The following SPACA7 variants were observed in gnomAD, a reference collection of about 807,000 sequenced individuals.
SPACA7 encodes sperm acrosome associated 7.
A neutral mutation model predicts 26.3 loss-of-function variants in SPACA7; 19 were observed. The ratio of observed to expected loss-of-function variants is 0.72; its 90% CI spans 0.50 to 1.06. SPACA7 has a LOEUF of 1.06. Ranked by LOEUF, SPACA7 falls within the 50% of genes least tolerant of loss-of-function variation. The pLI is 0.00. For missense variants in SPACA7, 211 were observed against 229.9 expected, an observed-to-expected ratio of 0.92 and a Z score of 0.53; for synonymous variants, 84 against 84.5, an observed-to-expected ratio of 0.99 and a Z score of 0.04.
At chr13:112,428,780 C>A (rs1018563412) in intron 5 of SPACA7, among the ~76,000 whole-genome samples, 1 of 152,036 alleles carries the variant, frequency 6.6e-6, no homozygotes, top group African/African-American at 2.4e-5. Context: ...TGTGCTTTAG[C>A]AAATATTCCA....
chr13:112,392,186 A>C (rs571590131), intron 1 of SPACA7, among the ~76,000 whole-genome samples: 11 of 152,284 alleles, frequency 7.2e-5, no homozygotes, highest in Admixed American at 2.0e-4. Flanking sequence ...CCACACCTCC[A>C]ATAAAGAAAA....
rs1000954930 is a variant in SPACA7 at position 112,423,792 on chromosome 13, G to A, written c.446-8652G>A. 3.9e-5 allele frequency among the ~76,000 whole-genome samples: 6 copies of A among 152,280 alleles called. No homozygotes were observed. In the East Asian group the frequency reaches 7.7e-4, roughly 20 times the overall value. On this transcript the variant is annotated intron_variant, in intron 5 of 6. Transcript: ENST00000283550. ...TGCAGAACTCCAAAATCCAAGAGAC[G>A]ATCTGGCAATCAACCTGAAACAAGT...
At position 112,393,086 on chromosome 13, in the gene SPACA7, G is replaced by A. The variant is rs762509077; in HGVS notation, c.151+9G>A. The A allele has an allele frequency of 6.2e-6, 10 of 1,611,738 alleles. No homozygotes were observed. The South Asian group carries it at 6.6e-5, about 11-fold the overall frequency. Reference sequence around the variant, plus strand: ...TATGTCTGAATTATTAGGTAAGGAAGCCCCTCCTATCAACCTCTGGCCTGT... The same window carrying A: ...TATGTCTGAATTATTAGGTAAGGAAACCCCTCCTATCAACCTCTGGCCTGT... On this transcript the variant is annotated intron_variant, in intron 2 of 6. Transcript: ENST00000283550.
At chr13:112,434,276 T>C (rs569300229) in intron 6 of SPACA7, among the ~76,000 whole-genome samples, 2 of 152,140 alleles carry the variant, frequency 1.3e-5, no homozygotes, top group South Asian at 4.2e-4. Flanking sequence ...CTGGACAGGG[T>C]GGCCCCGCAG....
chr13:112,407,800 C>T lies in SPACA7; in HGVS notation c.445+6636C>T, dbSNP rs202165169. Among the ~76,000 whole-genome samples, 83 of 152,280 alleles carry T rather than the reference C, an allele frequency of 5.5e-4. 2 individuals carry two copies. The East Asian group carries it at 0.015, about 27-fold the overall frequency. On this transcript the variant is annotated intron_variant, in intron 5 of 6. Coordinates refer to ENST00000283550, the MANE Select transcript of SPACA7 (RefSeq NM_145248.5). ...ATTCTACCAGAGGTACAAGGAGGAGCTGGTACCATTCCTTCTGAAACTATT... is the reference window on the plus strand; with the variant it reads ...ATTCTACCAGAGGTACAAGGAGGAGTTGGTACCATTCCTTCTGAAACTATT...
intron 5 of SPACA7, among the ~76,000 whole-genome samples, chr13:112,417,239 G>T (rs922165464): frequency 1.3e-5 from 2 of 151,790 alleles, no homozygotes; most frequent in Non-Finnish European, 2.9e-5. Context: ...TGCTGCTGTT[G>T]TTTTCTTCAA....
At chr13:112,378,902 G>A (rs1410435998) in intron 1 of SPACA7, among the ~76,000 whole-genome samples, 8 of 152,068 alleles carry the variant, frequency 5.3e-5, no homozygotes, top group Admixed American at 3.3e-4. Flanking sequence ...TTAAACTTAC[G>A]CAAACAATTG....
chr13:112,391,866 C>T (rs936672452), intron 1 of SPACA7, among the ~76,000 whole-genome samples: 2 of 152,138 alleles, frequency 1.3e-5, no homozygotes, highest in Non-Finnish European at 2.9e-5. Flanking sequence ...TTTCGTTTAC[C>T]GAAGGTCAGC....
rs148523302 is a variant in SPACA7, at chr13:112,399,136, A to G, written c.312A>G (p.Gln104=). The G allele has an allele frequency of 5.3e-5, 86 of 1,610,154 alleles. 1 individual carries two copies. In the African/African-American group the frequency reaches 9.2e-4, roughly 17 times the overall value. The change falls in exon 4 of 7, where the codon CAA becomes CAG. Residue 104 remains glutamine (Q), a synonymous_variant. Coordinates refer to ENST00000283550, the MANE Select transcript of SPACA7 (RefSeq NM_145248.5). ...ACCATGAATTATTAGAGAATTTACA[A>G]TTCTCTCCTGGCATTGAGGTCAAAA... ...ENYHELLENL[Q]FSPGIEVKIS... is the part of the protein sequence containing the mutation.
At chr13:112,434,456 C>T (rs1244744442) in intron 6 of SPACA7, 29 bp from the exon 7 acceptor site, 42 of 1,585,352 alleles carry the variant, frequency 2.6e-5, no homozygotes, top group Non-Finnish European at 3.5e-5. Context: ...CACACACTGC[C>T]AGTCTCAAAA....
Position 112,399,161 on chromosome 13 carries a change from A to T in SPACA7, c.337A>T (p.Ile113Phe). The change falls in exon 4 of 7, where the codon ATT becomes TTT. Residue 113 changes from isoleucine (I) to phenylalanine (F), a missense_variant. Physicochemically the swap from Ile to Phe is conservative, Grantham distance 21. Transcript: ENST00000283550. ...ATTCTCTCCTGGCATTGAGGTCAAAATTTCCAATGATGGTAAATGCAACCC... is the reference window on the plus strand; with the variant it reads ...ATTCTCTCCTGGCATTGAGGTCAAATTTTCCAATGATGGTAAATGCAACCC... ...LQFSPGIEVK[I>F]SNDEANANAN... is the part of the protein sequence containing the mutation. 1 of 1,565,352 alleles carries T rather than the reference A, an allele frequency of 6.4e-7. No individual in the cohort carries two copies. Among genetic ancestry groups the T allele is most frequent in the South Asian group, 1.1e-5 (1 of 89,928 alleles).
chr13:112,430,305 C>T (rs1323113304), intron 5 of SPACA7, among the ~76,000 whole-genome samples: 1 of 152,130 alleles, frequency 6.6e-6, no homozygotes, highest in Non-Finnish European at 1.5e-5. Context: ...ACTCCTAATG[C>T]TGCCCTGGAA....
chr13:112,424,615 C>T (rs1876345874), intron 5 of SPACA7, among the ~76,000 whole-genome samples: 2 of 152,174 alleles, frequency 1.3e-5, no homozygotes, highest in Admixed American at 6.5e-5. Context: ...TTACAAAGTG[C>T]CTCCTCTGGG....
chr13:112,429,414 T>C (rs921196771), intron 5 of SPACA7, among the ~76,000 whole-genome samples: 1 of 152,188 alleles, frequency 6.6e-6, no homozygotes, highest in South Asian at 2.1e-4. Flanking sequence ...ACTCTTTTAT[T>C]CCTAGTAATA....
intron 5 of SPACA7, among the ~76,000 whole-genome samples, chr13:112,430,770 G>A (rs530658402): frequency 5.9e-5 from 9 of 152,306 alleles, no homozygotes; most frequent in African/African-American, 1.4e-4. Context: ...CATAGGGAAC[G>A]GGGAAATGTT....
At chr13:112,381,831 A>G (rs1383957683) in intron 1 of SPACA7, among the ~76,000 whole-genome samples, 1 of 152,024 alleles carries the variant, frequency 6.6e-6, no homozygotes, top group Non-Finnish European at 1.5e-5. Flanking sequence ...CAGATGAGCC[A>G]CTTTATCCAT....
chr13:112,418,836 T>A (rs748510729), intron 5 of SPACA7, among the ~76,000 whole-genome samples: 1 of 152,142 alleles, frequency 6.6e-6, no homozygotes, highest in Non-Finnish European at 1.5e-5. Flanking sequence ...TCAGGTTCTC[T>A]ACCTCCACTT....
chr13:112,392,926 G>A, intron 1 of SPACA7, 95 bp from the exon 2 acceptor site: 3 of 1,004,958 alleles, frequency 3.0e-6, no homozygotes, highest in Non-Finnish European at 4.5e-6. Flanking sequence ...TCTAGAGGGG[G>A]CTGGTGGGCA....
rs557387254 is a variant in SPACA7, at chr13:112,392,214, C to T, written c.95-807C>T. Reference sequence around the variant, plus strand: ...AAAGAAAAACTGTGAATGGCAGAAGCAGGGAACTACTGGGAAGGGGCTAAC... The same window carrying T: ...AAAGAAAAACTGTGAATGGCAGAAGTAGGGAACTACTGGGAAGGGGCTAAC... On this transcript the variant is annotated intron_variant, in intron 1 of 6. Coordinates refer to ENST00000283550, the MANE Select transcript of SPACA7 (RefSeq NM_145248.5). 2.8e-4 allele frequency among the ~76,000 whole-genome samples: 43 copies of T among 152,262 alleles called. 1 individual carries two copies. Among genetic ancestry groups the T allele is most frequent in the African/African-American group, 9.6e-4 (40 of 41,552 alleles).
Sources: gnomAD v4.1 joint callset for allele counts (sites outside exome capture counted in the v4.1 genomes callset) on GRCh38, gnomAD v4.1.1 for gene constraint, MANE v1.5 for transcripts, NCBI Gene and HGNC (gene_info 2026-07-23, HGNC 2026-07-21) for gene names.